The following TBC1D19 variants were observed in gnomAD, a reference collection of about 807,000 sequenced individuals.
TBC1D19 encodes TBC1 domain family member 19.
In TBC1D19, 60 loss-of-function variants were observed where a neutral mutation model predicts 89.0. The observed-to-expected ratio is 0.67, with a 90% confidence interval of 0.55 to 0.84. TBC1D19 has a LOEUF of 0.84. TBC1D19 is among the 40% of genes least tolerant of loss of function. TBC1D19 has a pLI of 0.00. For synonymous variants in TBC1D19, 189 were observed against 199.7 expected, an observed-to-expected ratio of 0.95 and a Z score of 0.45; for missense variants, 500 against 610.8, an observed-to-expected ratio of 0.82 and a Z score of 1.91.
the TBC1D19 span, among the ~76,000 whole-genome samples, chr4:26,831,321 T>A: frequency 9.9e-5 from 15 of 152,192 alleles, no homozygotes; most frequent in Admixed American, 2.0e-4. Context: ...AAAGCAGCGG[T>A]CATCAAACTT....
chr4:26,694,993 C>T (rs773357382), intron 13 of TBC1D19, among the ~76,000 whole-genome samples: 3 of 152,224 alleles, frequency 2.0e-5, no homozygotes, highest in Non-Finnish European at 2.9e-5. Context: ...CACCACTCCC[C>T]TTCTAAAGGA....
the TBC1D19 span, among the ~76,000 whole-genome samples, chr4:26,824,910 G>A: frequency 6.6e-6 from 1 of 152,146 alleles, no homozygotes; most frequent in Admixed American, 6.5e-5. Context: ...TGGGTACAGA[G>A]CATGCCTGTT....
chr4:26,684,537 T>A (rs879691840), intron 12 of TBC1D19, among the ~76,000 whole-genome samples: 2 of 152,120 alleles, frequency 1.3e-5, no homozygotes, highest in African/African-American at 2.4e-5. Context: ...AACCTGGAGG[T>A]CCATGGCAAC....
Position 26,729,342 on chromosome 4 carries a change from A to G in TBC1D19, c.1085-6113A>G, listed in dbSNP as rs185605908. Among the ~76,000 whole-genome samples the G allele has an allele frequency of 1.7e-3, 257 of 152,364 alleles. 1 individual carries two copies. The highest frequency in any genetic ancestry group is 1.8e-3 in the Non-Finnish European group (122 of 68,036). ...TCATCTCTTCATTCTGCAAAGATGT[A>G]TATCATCAACTATGTACGTGGCACC... On this transcript the variant is annotated intron_variant, in intron 15 of 20. Coordinates refer to ENST00000264866, the MANE Select transcript of TBC1D19 (RefSeq NM_018317.4).
chr4:26,747,230 G>A (rs539477690), intron 18 of TBC1D19, among the ~76,000 whole-genome samples: 1 of 152,114 alleles, frequency 6.6e-6, no homozygotes, highest in Admixed American at 6.5e-5. Flanking sequence ...GGGATGTGTG[G>A]CACTATTCCT....
At chr4:26,735,046 A>G (rs946662786) in intron 15 of TBC1D19, among the ~76,000 whole-genome samples, 14 of 151,238 alleles carry the variant, frequency 9.3e-5, no homozygotes, top group African/African-American at 2.9e-4. Flanking sequence ...ATATGTGTAC[A>G]CACATGTATA....
intron 3 of TBC1D19, among the ~76,000 whole-genome samples, chr4:26,616,016 A>T (rs1024656453): frequency 6.6e-6 from 1 of 152,100 alleles, no homozygotes; most frequent in East Asian, 1.9e-4. Context: ...ATTCTGTACA[A>T]TAGAACTTTA....
At chr4:26,781,690 T>C in the TBC1D19 span, among the ~76,000 whole-genome samples, 1 of 152,228 alleles carries the variant, frequency 6.6e-6, no homozygotes, top group Non-Finnish European at 1.5e-5. Flanking sequence ...TACATCCAAA[T>C]AGTTTCAAAG....
intron 18 of TBC1D19, among the ~76,000 whole-genome samples, chr4:26,745,160 C>T (rs1206290672): frequency 1.3e-5 from 2 of 151,946 alleles, no homozygotes; most frequent in African/African-American, 2.4e-5. Context: ...ATTATAATTG[C>T]ATGATACATT....
chr4:26,685,534 A>T (rs1291222576), intron 12 of TBC1D19, among the ~76,000 whole-genome samples: 1 of 152,228 alleles, frequency 6.6e-6, no homozygotes, highest in Admixed American at 6.5e-5. Context: ...TAGTTATGGA[A>T]ATTGAGATAA....
the TBC1D19 span, among the ~76,000 whole-genome samples, chr4:26,780,736 A>G: frequency 6.6e-6 from 1 of 152,132 alleles, no homozygotes; most frequent in Non-Finnish European, 1.5e-5. Flanking sequence ...TGAGAGTACT[A>G]TTTCTATGTA....
the TBC1D19 span, among the ~76,000 whole-genome samples, chr4:26,811,115 C>T: frequency 0.36 from 54,100 of 152,050 alleles, 10,321 homozygotes; most frequent in South Asian, 0.5. Context: ...CAAATGACCA[C>T]CAACAATAGA....
intron 6 of TBC1D19, among the ~76,000 whole-genome samples, chr4:26,639,190 A>G (rs553662050): frequency 6.6e-6 from 1 of 152,270 alleles, no homozygotes; most frequent in African/African-American, 2.4e-5. Flanking sequence ...CTAAGACTAC[A>G]GGCACACACC....
At chr4:26,697,695 G>C (rs1214197273) in intron 13 of TBC1D19, among the ~76,000 whole-genome samples, 3 of 152,176 alleles carry the variant, frequency 2.0e-5, no homozygotes, top group Non-Finnish European at 2.9e-5. Flanking sequence ...TGGGATGCAA[G>C]ACTGGTTCAA....
chr4:26,801,667 A>G, the TBC1D19 span, among the ~76,000 whole-genome samples: 1 of 152,102 alleles, frequency 6.6e-6, no homozygotes, highest in African/African-American at 2.4e-5. Context: ...ATTTGTTTGT[A>G]TCCTCTTTTA....
intron 8 of TBC1D19, among the ~76,000 whole-genome samples, chr4:26,660,980 T>G (rs1745189100): frequency 6.6e-6 from 1 of 152,176 alleles, no homozygotes. Flanking sequence ...AGCAATATGA[T>G]TTTCTCCATA....
intron 1 of TBC1D19, among the ~76,000 whole-genome samples, chr4:26,596,455 C>CGTGT (rs35226421): frequency 0.059 from 8,495 of 145,022 alleles, 630 homozygotes; most frequent in African/African-American, 0.18. Flanking sequence ...AATGGTAACT[C>CGTGT]GTGTGTGTGT....
chr4:26,605,305 T>A (rs1388552708), intron 1 of TBC1D19, among the ~76,000 whole-genome samples: 1 of 148,390 alleles, frequency 6.7e-6, no homozygotes, highest in Non-Finnish European at 1.5e-5. Flanking sequence ...CATGCGGTGT[T>A]TGGTTTTTTG....
the TBC1D19 span, among the ~76,000 whole-genome samples, chr4:26,816,511 A>G: frequency 6.6e-6 from 1 of 152,236 alleles, no homozygotes; most frequent in Non-Finnish European, 1.5e-5. Context: ...AAAGGGGGAA[A>G]ATCGTAAATT....
Sources: gnomAD v4.1 joint callset for allele counts (sites outside exome capture counted in the v4.1 genomes callset) on GRCh38, gnomAD v4.1.1 for gene constraint, MANE v1.5 for transcripts, NCBI Gene and HGNC (gene_info 2026-07-23, HGNC 2026-07-21) for gene names.